The following DPP10 variants were observed in gnomAD, a reference collection of about 807,000 sequenced individuals.
The protein encoded by DPP10 is dipeptidyl peptidase like 10, also known as inactive dipeptidyl peptidase 10.
A neutral mutation model predicts 120.9 loss-of-function variants in DPP10; 33 were observed. The ratio of observed to expected loss-of-function variants is 0.27; its 90% CI spans 0.21 to 0.37. DPP10 has a LOEUF of 0.37. Ranked by LOEUF, DPP10 falls within the 10% of genes least tolerant of loss-of-function variation. The probability of loss-of-function intolerance (pLI) is 1.00; values close to 1 mark genes in which losing one functional copy is unlikely to be tolerated. For synonymous variants in DPP10, 337 were observed against 326.1 expected (o/e 1.03, Z -0.36); for missense variants, 816 against 942.8 (o/e 0.87, Z 1.76).
chr2:115,535,470 A>G (rs1420938215), intron 5 of DPP10, among the ~76,000 whole-genome samples: 2 of 151,796 alleles, frequency 1.3e-5, no homozygotes, highest in Admixed American at 1.3e-4. Flanking sequence ...CCATTGATCT[A>G]TATCTCTGTT....
At chr2:115,589,447 C>T (rs1233529573) in intron 5 of DPP10, among the ~76,000 whole-genome samples, 1 of 152,086 alleles carries the variant, frequency 6.6e-6, no homozygotes. Flanking sequence ...AGGGAAAGAA[C>T]CTGAGATCAC....
At chr2:114,618,694 T>C (rs767463773) in intron 1 of DPP10, among the ~76,000 whole-genome samples, 2 of 152,068 alleles carry the variant, frequency 1.3e-5, no homozygotes, top group Non-Finnish European at 2.9e-5. Context: ...GTTGGTAACA[T>C]GTGAACTGAA....
At chr2:115,687,916 A>C (rs116427929) in intron 5 of DPP10, among the ~76,000 whole-genome samples, 1,674 of 151,738 alleles carry the variant, frequency 0.011, 37 homozygotes, top group African/African-American at 0.039. Flanking sequence ...GGTGACTCAA[A>C]GATAGGATGA....
At chr2:115,723,808 T>C (rs547506896) in intron 7 of DPP10, among the ~76,000 whole-genome samples, 1 of 152,304 alleles carries the variant, frequency 6.6e-6, no homozygotes, top group East Asian at 1.9e-4. Context: ...TGGGATACTT[T>C]CTTAATTACA....
At chr2:114,638,497 A>G (rs1479403735) in intron 1 of DPP10, among the ~76,000 whole-genome samples, 2 of 151,908 alleles carry the variant, frequency 1.3e-5, no homozygotes, top group South Asian at 4.1e-4. Flanking sequence ...AAGAAGACAT[A>G]TAAGTGGCCA....
chr2:115,713,142 A>G (rs75639737), intron 7 of DPP10, among the ~76,000 whole-genome samples: 2 of 152,040 alleles, frequency 1.3e-5, no homozygotes, highest in African/African-American at 4.8e-5. Flanking sequence ...AAAAAAAATT[A>G]AAAAAATAAT....
intron 4 of DPP10, among the ~76,000 whole-genome samples, chr2:115,502,733 C>A (rs2076746713): frequency 6.6e-6 from 1 of 152,114 alleles, no homozygotes; most frequent in South Asian, 2.1e-4. Context: ...TGCTCTCTTG[C>A]CCAGGCTGGG....
In DPP10 at chr2:114,827,332, A is replaced by G. The variant is rs572995076; in HGVS notation, c.60+384494A>G. On this transcript the variant is annotated intron_variant, in intron 1 of 25. Transcript: ENST00000410059. Reference sequence around the variant, plus strand: ...GGAGATGTTTTATGGCAAATGATTCAGTCAATGTTCCAATTATTGAAGCTC... The same window carrying G: ...GGAGATGTTTTATGGCAAATGATTCGGTCAATGTTCCAATTATTGAAGCTC... Among the ~76,000 whole-genome samples, 3 of 152,282 alleles carry G rather than the reference A, an allele frequency of 2.0e-5. No individual in the cohort carries two copies. The South Asian group carries it at 6.2e-4, about 32-fold the overall frequency.
intron 1 of DPP10, among the ~76,000 whole-genome samples, chr2:115,113,496 TTCTAA>T (rs1287799553): frequency 6.6e-6 from 1 of 152,112 alleles, no homozygotes; most frequent in Admixed American, 6.6e-5. Context: ...AGGAAAACAC[TTCTAA>T]TCTGATTAGT....
At chr2:115,609,845 A>G (rs186470758) in intron 5 of DPP10, among the ~76,000 whole-genome samples, 1 of 152,312 alleles carries the variant, frequency 6.6e-6, no homozygotes, top group African/African-American at 2.4e-5. Context: ...GATTAATTTT[A>G]AAAACTGAAA....
intron 1 of DPP10, among the ~76,000 whole-genome samples, chr2:114,767,228 A>AG (rs1553422933): frequency 2.7e-5 from 4 of 147,114 alleles, no homozygotes; most frequent in African/African-American, 9.8e-5. Flanking sequence ...AAAAAAAAAA[A>AG]AAGTTTTAAA....
intron 1 of DPP10, among the ~76,000 whole-genome samples, chr2:114,968,673 A>G (rs1699200023): frequency 6.6e-6 from 1 of 152,208 alleles, no homozygotes; most frequent in African/African-American, 2.4e-5. Flanking sequence ...CAGGTCATTT[A>G]TGAATATGTT....
At chr2:115,449,418 A>G (rs1211678141) in intron 3 of DPP10, among the ~76,000 whole-genome samples, 1 of 152,104 alleles carries the variant, frequency 6.6e-6, no homozygotes, top group East Asian at 1.9e-4. Context: ...AGTTATTGAG[A>G]CAATTCTATT....
chr2:115,121,466 T>A (rs1311151707), intron 1 of DPP10, among the ~76,000 whole-genome samples: 1 of 152,218 alleles, frequency 6.6e-6, no homozygotes, highest in Non-Finnish European at 1.5e-5. Flanking sequence ...CAATGTCTGA[T>A]CTGGGAGCTA....
chr2:114,442,823 C>G lies in DPP10; in HGVS notation c.45C>G (p.Pro15=). Residue 15 remains proline (P), a synonymous_variant, in exon 1 of 26, where the codon CCC becomes CCG. Coordinates refer to ENST00000410059, the MANE Select transcript of DPP10 (RefSeq NM_020868.6). ...TGTCCCATCACATCAAGTGTCAACC[C>G]TCAAAAACAATCAAGGTAGGATCTG... ...ASVSHHIKCQ[P]SKTIKELGSN... 1 of 1,613,360 alleles carries G rather than the reference C, an allele frequency of 6.2e-7. No individual in the cohort carries two copies. Among genetic ancestry groups the G allele is most frequent in the Non-Finnish European group, 8.5e-7 (1 of 1,179,522 alleles).
intron 5 of DPP10, among the ~76,000 whole-genome samples, chr2:115,687,956 C>T (rs1202613414): frequency 6.6e-6 from 1 of 151,910 alleles, no homozygotes. Flanking sequence ...GATATCATGA[C>T]ATATTTGTCT....
At chr2:115,817,104 C>T (rs944068423) in intron 21 of DPP10, among the ~76,000 whole-genome samples, 3 of 151,394 alleles carry the variant, frequency 2.0e-5, no homozygotes, top group Non-Finnish European at 2.9e-5. Flanking sequence ...AAAAATTACC[C>T]GGGCGTGGTG....
At chr2:114,910,026 G>A (rs1364320879) in intron 1 of DPP10, among the ~76,000 whole-genome samples, 2 of 150,658 alleles carry the variant, frequency 1.3e-5, no homozygotes, top group African/African-American at 4.9e-5. Flanking sequence ...ACATGTGTGT[G>A]TATATATATA....
At chr2:114,753,449 T>C (rs1393881533) in intron 1 of DPP10, among the ~76,000 whole-genome samples, 1 of 152,212 alleles carries the variant, frequency 6.6e-6, no homozygotes, top group Non-Finnish European at 1.5e-5. Context: ...GTGATCGCTG[T>C]GAGGATTAAA....
Sources: allele counts gnomAD v4.1 joint callset (sites outside exome capture counted in the v4.1 genomes callset), GRCh38; gene constraint gnomAD v4.1.1; transcripts MANE v1.5; gene names NCBI Gene and HGNC (gene_info 2026-07-23, HGNC 2026-07-21).